Variants in TRPS1 observed in about 807,000 individuals in gnomAD.
The protein encoded by TRPS1 is zinc finger transcription factor Trps1.
In TRPS1, 6 loss-of-function variants were observed where a neutral mutation model predicts 101.2. The ratio of observed to expected loss-of-function variants is 0.06; its 90% CI spans 0.03 to 0.12. TRPS1 has a LOEUF of 0.12. Ranked by LOEUF, TRPS1 falls within the 10% of genes least tolerant of loss-of-function variation. The probability of loss-of-function intolerance (pLI) is 1.00; values close to 1 mark genes in which losing one functional copy is unlikely to be tolerated. For synonymous variants in TRPS1, 578 were observed against 589.8 expected, an observed-to-expected ratio of 0.98 and a Z score of 0.29; for missense variants, 1,363 against 1,567.0, an observed-to-expected ratio of 0.87 and a Z score of 2.20.
rs1297221126 is a variant in TRPS1 at position 115,619,185 on chromosome 8, G to T, written c.913C>A (p.Gln305Lys). 6.2e-7 allele frequency: 1 copy of T among 1,614,136 alleles called. No individual in the cohort carries two copies. Residue 305 changes from glutamine (Q) to lysine (K), a missense_variant, in exon 3 of 7, where the codon CAG (glutamine) becomes AAG (lysine). Around this residue, in one of 5 missense-constraint regions of TRPS1, gnomAD observed 1,020 missense variants for 1,073.0 expected, o/e 0.95. Coordinates refer to ENST00000395715, the MANE Select transcript of TRPS1 (RefSeq NM_014112.5). ...ACAGGCCTTGAAGAATTGATGTCCT[G>T]CAGCACACCAGAAAACACAGAACGG... ...VNRSVFSGVLQDINSSRPVLL... is the reference protein window; with the variant it reads ...VNRSVFSGVLKDINSSRPVLL...
intron 1 of TRPS1, chr8:115,661,810 T>C (rs1267483241): frequency 6.6e-6 from 1 of 150,944 alleles, no homozygotes; most frequent in Non-Finnish European, 1.5e-5. Flanking sequence ...TCCCCACCAC[T>C]TACCAGTAAA....
Position 115,461,151 on chromosome 8 carries a change from A to T in TRPS1, c.2701-42699T>A, listed in dbSNP as rs1451234278. Among the ~76,000 whole-genome samples, 5 of 152,138 alleles carry T rather than the reference A, an allele frequency of 3.3e-5. No homozygotes were observed. In the East Asian group the frequency reaches 9.6e-4, roughly 29 times the overall value. ...TGTAGGTAATAATAGTCATCATACA[A>T]ATGTTATTTATTAAGAACTCTCTGT... On this transcript the variant is annotated intron_variant, in intron 5 of 6. Transcript: ENST00000395715.
At position 115,414,352 on chromosome 8, in the gene TRPS1, G is replaced by A. The variant is rs1812860546; in HGVS notation, c.3556C>T (p.Pro1186Ser). Reference protein sequence around the residue: ...PLDLAIKHSRPGPTANGASKE... With the variant: ...PLDLAIKHSRSGPTANGASKE... ...GAGGCACCGTTTGCAGTTGGCCCAGGTCTGGAATGCTTGATCGCCAAATCT... is the reference window on the plus strand; with the variant it reads ...GAGGCACCGTTTGCAGTTGGCCCAGATCTGGAATGCTTGATCGCCAAATCT... The change falls in exon 7 of 7, where the codon CCT becomes TCT. Residue 1186 changes from proline to serine, a missense_variant. Physicochemically the swap from Pro to Ser is moderately conservative, Grantham distance 74 (BLOSUM62 -1). Transcript: ENST00000395715. This position sits in a 1 kb window ranked among gnomAD's most constrained non-coding sequence, Gnocchi z 4.8. The A allele has an allele frequency of 5.0e-6, 8 of 1,613,826 alleles. No individual in the cohort carries two copies. In the East Asian group the frequency reaches 1.6e-4, roughly 31 times the overall value.
intron 1 of TRPS1, among the ~76,000 whole-genome samples, chr8:115,662,181 A>T (rs1248942849): frequency 6.6e-6 from 1 of 152,084 alleles, no homozygotes; most frequent in Non-Finnish European, 1.5e-5. Flanking sequence ...CATATCAAGT[A>T]AATCAAAACT....
chr8:115,653,556 G>C (rs1259255831), intron 1 of TRPS1, among the ~76,000 whole-genome samples: 1 of 152,112 alleles, frequency 6.6e-6, no homozygotes, highest in Admixed American at 6.5e-5. Context: ...CTGACGGAAT[G>C]AGTAAGATTA....
intron 1 of TRPS1, among the ~76,000 whole-genome samples, chr8:115,660,919 C>T (rs879412362): frequency 4.0e-5 from 6 of 151,830 alleles, no homozygotes; most frequent in South Asian, 2.1e-4. Context: ...ATTTGGGTGA[C>T]GCACAGAATC....
At chr8:115,657,338 T>C (rs1811697483) in intron 1 of TRPS1, among the ~76,000 whole-genome samples, 1 of 152,132 alleles carries the variant, frequency 6.6e-6, no homozygotes, top group Non-Finnish European at 1.5e-5. Context: ...CTCAGAACTA[T>C]CCTTAATAGA....
Position 115,413,840 on chromosome 8 carries a change from T to G in TRPS1, c.*183A>C, listed in dbSNP as rs1399140684. 7 of 627,008 alleles carry G rather than the reference T, an allele frequency of 1.1e-5. No individual in the cohort carries two copies. The highest frequency in any genetic ancestry group is 1.9e-5 in the Non-Finnish European group (7 of 368,252). 38.8% of individuals were successfully genotyped at this position (627,008 alleles called of 1,614,324 possible). Reference sequence around the variant, plus strand: ...TCCATTCTTTCTCATTGACCATTTATCTCACTTTTTAATCTTGGTAACCTA... The same window carrying G: ...TCCATTCTTTCTCATTGACCATTTAGCTCACTTTTTAATCTTGGTAACCTA... On this transcript the variant is annotated 3_prime_UTR_variant, in exon 7 of 7. Coordinates refer to ENST00000395715, the MANE Select transcript of TRPS1 (RefSeq NM_014112.5).
intron 3 of TRPS1, among the ~76,000 whole-genome samples, chr8:115,605,640 A>G (rs1429108926): frequency 6.6e-6 from 1 of 152,198 alleles, no homozygotes. Flanking sequence ...GTAAATAAAG[A>G]ATTTTGAATG....
chr8:115,568,665 T>A (rs1283127709), intron 5 of TRPS1, among the ~76,000 whole-genome samples: 2 of 152,138 alleles, frequency 1.3e-5, no homozygotes, highest in Non-Finnish European at 2.9e-5. Flanking sequence ...GAAAAAAAAT[T>A]ATAATTAACA....
rs144122935 is a variant in TRPS1, at chr8:115,567,785, G to A, written c.2700+19216C>T. ...TCCTTGGTCCATTTCTGTCCCTAAC[G>A]TGCAATCCACTATGTTAATATAATT... is the stretch of plus-strand genomic sequence containing the variant. On this transcript the variant is annotated intron_variant, in intron 5 of 6. Coordinates refer to ENST00000395715, the MANE Select transcript of TRPS1 (RefSeq NM_014112.5). Among the ~76,000 whole-genome samples the A allele has an allele frequency of 8.5e-3, 1,293 of 152,130 alleles. 9 individuals are homozygous for A. Among genetic ancestry groups the A allele is most frequent in the South Asian group, 0.034 (162 of 4,820 alleles).
chr8:115,611,377 G>T (rs1339287140), intron 3 of TRPS1, among the ~76,000 whole-genome samples: 1 of 152,130 alleles, frequency 6.6e-6, no homozygotes, highest in Non-Finnish European at 1.5e-5. Context: ...TCCAGGGAAG[G>T]TTGCTGTTTT....
chr8:115,632,080 T>C (rs1818658869), intron 1 of TRPS1, among the ~76,000 whole-genome samples: 1 of 152,106 alleles, frequency 6.6e-6, no homozygotes, highest in Admixed American at 6.6e-5. Flanking sequence ...AAGTGGCACA[T>C]TCTCTATATA....
intron 5 of TRPS1, among the ~76,000 whole-genome samples, chr8:115,581,117 C>A (rs1015634351): frequency 1.3e-5 from 2 of 151,344 alleles, no homozygotes; most frequent in Admixed American, 6.6e-5. Context: ...ATAGAACAGG[C>A]GAACGTTATT....
At chr8:115,441,302 G>C (rs1200829304) in intron 5 of TRPS1, among the ~76,000 whole-genome samples, 15 of 152,176 alleles carry the variant, frequency 9.9e-5, no homozygotes, top group Admixed American at 9.8e-4. Flanking sequence ...TCTAGTTTTA[G>C]CACATGGGTT....
In TRPS1 at chr8:115,418,327, T is replaced by C. The variant is rs1386348884; in HGVS notation, c.2823+3A>G. 1.9e-6 allele frequency: 3 copies of C among 1,614,104 alleles called. No individual in the cohort carries two copies. Among genetic ancestry groups the C allele is most frequent in the Admixed American group, 3.3e-5 (2 of 60,028 alleles). ...TTCCTGAAAGAGTGGAACAAGTTCT[T>C]ACCGAGTGAAGCTTCTGGTAGAGGC... On this transcript the variant is annotated splice_donor_region_variant and intron_variant, in intron 6 of 6. Coordinates refer to ENST00000395715, the MANE Select transcript of TRPS1 (RefSeq NM_014112.5). The surrounding 1 kb of genome is among the most constrained non-coding windows in gnomAD (Gnocchi z 4.3).
chr8:115,501,250 C>T (rs1316457543), intron 5 of TRPS1, among the ~76,000 whole-genome samples: 2 of 152,180 alleles, frequency 1.3e-5, no homozygotes, highest in African/African-American at 2.4e-5. Context: ...TCACTAAACA[C>T]CTAGCTGAGC....
intron 5 of TRPS1, among the ~76,000 whole-genome samples, chr8:115,487,555 T>C (rs1814914865): frequency 1.3e-5 from 2 of 152,218 alleles, no homozygotes; most frequent in African/African-American, 2.4e-5. Flanking sequence ...ATTAAGAACA[T>C]TCGTAATTCG....
At chr8:115,521,420 AG>A (rs1315988588) in intron 5 of TRPS1, among the ~76,000 whole-genome samples, 1 of 151,886 alleles carries the variant, frequency 6.6e-6, no homozygotes, top group Admixed American at 6.6e-5. Context: ...TGAAGCAGTG[AG>A]TTTTTGTGTT....
Sources: allele counts gnomAD v4.1 joint callset (sites outside exome capture counted in the v4.1 genomes callset), GRCh38; gene constraint gnomAD v4.1.1; regional missense constraint gnomAD v4.1.1; non-coding constraint Gnocchi (gnomAD v3.1); transcripts MANE v1.5; gene names NCBI Gene and HGNC (gene_info 2026-07-23, HGNC 2026-07-21).